Variants in APMAP observed in about 807,000 individuals in gnomAD.
APMAP encodes adipocyte plasma membrane associated protein.
Under a neutral mutation model 43.6 loss-of-function variants are expected in APMAP, and 33 were observed. That is an observed-to-expected ratio of 0.76 (90% CI 0.57 to 1.01). The LOEUF (loss-of-function observed/expected upper bound fraction) is 1.01. APMAP is among the 50% of genes least tolerant of loss of function. The probability of loss-of-function intolerance (pLI) is 0.00; values close to 1 mark genes in which losing one functional copy is unlikely to be tolerated. For missense variants in APMAP, 498 were observed against 540.7 expected (o/e 0.92, Z 0.78); for synonymous variants, 224 against 216.7 (o/e 1.03, Z -0.30).
At chr20:24,966,723 C>G (rs1445267902) in intron 8 of APMAP, among the ~76,000 whole-genome samples, 1 of 152,206 alleles carries the variant, frequency 6.6e-6, no homozygotes, top group Non-Finnish European at 1.5e-5. Flanking sequence ...AAACACCACT[C>G]CTGATCCTGG....
intron 4 of APMAP, 81 bp downstream of exon 4, chr20:24,973,564 G>A: frequency 1.5e-6 from 2 of 1,364,838 alleles, no homozygotes; most frequent in Non-Finnish European, 2.1e-6. Flanking sequence ...AGGCATTCTA[G>A]GGAAAAGCAG....
intron 8 of APMAP, among the ~76,000 whole-genome samples, chr20:24,965,822 G>A (rs1018351474): frequency 2.0e-5 from 3 of 152,204 alleles, no homozygotes; most frequent in African/African-American, 7.2e-5. Context: ...AACCTAGGGA[G>A]GACAATGGGA....
At chr20:24,990,693 T>C (rs1568819253) in intron 1 of APMAP, among the ~76,000 whole-genome samples, 1 of 152,238 alleles carries the variant, frequency 6.6e-6, no homozygotes, top group African/African-American at 2.4e-5. Flanking sequence ...CCTCGACTTT[T>C]AAGGTAATCA....
intron 8 of APMAP, among the ~76,000 whole-genome samples, chr20:24,965,007 C>T (rs2087931146): frequency 6.6e-6 from 1 of 152,210 alleles, no homozygotes. Context: ...TCTCTCTTCC[C>T]CCTAAGAGAT....
intron 2 of APMAP, among the ~76,000 whole-genome samples, chr20:24,981,883 C>T (rs1157567103): frequency 2.6e-5 from 4 of 152,204 alleles, no homozygotes; most frequent in Non-Finnish European, 5.9e-5. Context: ...TGTCCTTCCA[C>T]AGAGTGACTG....
chr20:24,977,931 TTGGGGCC>T (rs1422505076), intron 3 of APMAP, among the ~76,000 whole-genome samples: 1 of 152,238 alleles, frequency 6.6e-6, no homozygotes, highest in Non-Finnish European at 1.5e-5. Flanking sequence ...GGACCAGTCC[TTGGGGCC>T]TGTGTCAAAT....
At chr20:24,971,661 C>G in intron 4 of APMAP, 85 bp from the exon 5 acceptor site, 1 of 1,082,534 alleles carries the variant, frequency 9.2e-7, no homozygotes, top group South Asian at 1.3e-5. Context: ...TCATCCATCC[C>G]TTCCCATACA....
At chr20:24,982,212 G>C (rs561055674) in intron 2 of APMAP, among the ~76,000 whole-genome samples, 1 of 150,384 alleles carries the variant, frequency 6.6e-6, no homozygotes, top group Non-Finnish European at 1.5e-5. Context: ...CCCGTTGGCT[G>C]TGACAGTTCC....
chr20:24,982,802 G>C (rs992290392), intron 2 of APMAP, among the ~76,000 whole-genome samples: 1 of 152,120 alleles, frequency 6.6e-6, no homozygotes, highest in Non-Finnish European at 1.5e-5. Flanking sequence ...GTTAGAAAGA[G>C]AGAAGCCCCT....
rs376982662 is a variant in APMAP at position 24,964,038 on chromosome 20, G to T, written c.1042-16C>A. On this transcript the variant is annotated splice_polypyrimidine_tract_variant and intron_variant, in intron 8 of 8. Coordinates refer to ENST00000217456, the MANE Select transcript of APMAP (RefSeq NM_020531.3). ...GACTAAAGAGCTAGAGGGAAGCACA[G>T]TGCAGGGAAAGTTCACCAGCTGGCC... The T allele has an allele frequency of 3.6e-5, 58 of 1,612,902 alleles. No homozygotes were observed. Among genetic ancestry groups the T allele is most frequent in the Non-Finnish European group, 4.7e-5 (55 of 1,179,100 alleles).
At chr20:24,985,383 G>C (rs577479942) in intron 1 of APMAP, among the ~76,000 whole-genome samples, 1 of 152,204 alleles carries the variant, frequency 6.6e-6, no homozygotes, top group African/African-American at 2.4e-5. Flanking sequence ...TTGCATTTTG[G>C]ACAGCACCTC....
chr20:24,990,569 A>G (rs1001494934), intron 1 of APMAP, among the ~76,000 whole-genome samples: 2 of 152,200 alleles, frequency 1.3e-5, no homozygotes, highest in African/African-American at 4.8e-5. Context: ...CCTTTATTCT[A>G]TTTAGCACAT....
Position 24,968,886 on chromosome 20 carries a change from A to G in APMAP, c.1041+6T>C. 1 of 1,572,224 alleles carries G rather than the reference A, an allele frequency of 6.4e-7. No homozygotes were observed. Among genetic ancestry groups the G allele is most frequent in the Non-Finnish European group, 8.6e-7 (1 of 1,158,222 alleles). Reference sequence around the variant, plus strand: ...TCTTTCTTGGAATAACAGTTTTCACAGTTACCTTAAAAATCATCCTTTTAA... The same window carrying G: ...TCTTTCTTGGAATAACAGTTTTCACGGTTACCTTAAAAATCATCCTTTTAA... On this transcript the variant is annotated splice_donor_region_variant and intron_variant, in intron 8 of 8. Transcript: ENST00000217456.
intron 8 of APMAP, 97 bp downstream of exon 8, chr20:24,968,794 AC>A: frequency 8.1e-7 from 1 of 1,230,998 alleles, no homozygotes; most frequent in Non-Finnish European, 1.1e-6. Context: ...AGAGCCAAAT[AC>A]TACAAGCAGA....
chr20:24,991,064 A>G (rs867289766), intron 1 of APMAP, among the ~76,000 whole-genome samples: 2 of 152,332 alleles, frequency 1.3e-5, no homozygotes, highest in Middle Eastern at 3.4e-3. Context: ...GAAAAAAACA[A>G]TTAAGTCTGC....
rs2088072218 is a variant in APMAP, at chr20:24,978,694, G to A, written c.328+73C>T. On this transcript the variant is annotated intron_variant, in intron 3 of 8. Transcript: ENST00000217456. ...CCAGGGGCAGCGTGCCACTGCAGCT[G>A]CTCCCACAGAACCCGCCCCCTCAGA... 6 of 1,201,432 alleles carry A rather than the reference G, an allele frequency of 5.0e-6. No individual in the cohort carries two copies. In the Admixed American group the frequency reaches 1.1e-4, roughly 22 times the overall value. The allele number at this position is 1,201,432 out of a possible 1,614,324, so 74.4% of individuals were successfully genotyped here.
intron 7 of APMAP, 102 bp from the exon 8 acceptor site, chr20:24,969,186 G>A: frequency 5.1e-6 from 6 of 1,184,724 alleles, no homozygotes; most frequent in Non-Finnish European, 7.0e-6. Context: ...TATATATATG[G>A]AAAGTGCTCT....
chr20:24,974,546 G>C (rs2088034630), intron 3 of APMAP, among the ~76,000 whole-genome samples: 1 of 152,114 alleles, frequency 6.6e-6, no homozygotes, highest in South Asian at 2.1e-4. Context: ...CTGAAAGAGA[G>C]ACATTGCCAG....
intron 1 of APMAP, among the ~76,000 whole-genome samples, chr20:24,991,813 T>C (rs2088194667): frequency 6.6e-6 from 1 of 152,248 alleles, no homozygotes. Flanking sequence ...TTGAAATCTA[T>C]GCTTACGAAT....
Sources: gnomAD v4.1 joint callset for allele counts (sites outside exome capture counted in the v4.1 genomes callset) on GRCh38, gnomAD v4.1.1 for gene constraint, MANE v1.5 for transcripts, NCBI Gene and HGNC (gene_info 2026-07-23, HGNC 2026-07-21) for gene names.